Variants in ABHD2 observed in about 807,000 individuals in gnomAD.
ABHD2 encodes abhydrolase domain containing 2, acylglycerol lipase, also known as monoacylglycerol lipase ABHD2.
Under a neutral mutation model 48.1 loss-of-function variants are expected in ABHD2, and 20 were observed. That is an observed-to-expected ratio of 0.42 (90% CI 0.29 to 0.60). The LOEUF is 0.60. ABHD2 is among the 20% of genes least tolerant of loss of function. ABHD2 has a pLI of 0.24. For missense variants in ABHD2, 405 were observed against 550.9 expected, an observed-to-expected ratio of 0.74 and a Z score of 2.65; for synonymous variants, 209 against 214.2, an observed-to-expected ratio of 0.98 and a Z score of 0.21.
intron 1 of ABHD2, among the ~76,000 whole-genome samples, chr15:89,090,626 T>C (rs765924775): frequency 6.6e-6 from 1 of 152,158 alleles, no homozygotes; most frequent in Non-Finnish European, 1.5e-5. Flanking sequence ...AGTTCCCCCT[T>C]GCAGTTACAT....
chr15:89,074,623 C>T, the ABHD2 span, among the ~76,000 whole-genome samples: 1 of 152,140 alleles, frequency 6.6e-6, no homozygotes, highest in Non-Finnish European at 1.5e-5. Flanking sequence ...GGCAGGCACC[C>T]GAAGTGGCTG....
At chr15:89,181,581 C>G (rs1345539185) in intron 6 of ABHD2, among the ~76,000 whole-genome samples, 1 of 152,110 alleles carries the variant, frequency 6.6e-6, no homozygotes, top group Non-Finnish European at 1.5e-5. Flanking sequence ...CATTCTCATT[C>G]TCCATATTTT....
chr15:89,195,255 G>A lies in ABHD2; in HGVS notation c.1110G>A (p.Leu370=). The change falls in exon 11 of 11, where the codon CTG becomes CTA. Residue 370 remains leucine, a synonymous_variant. Transcript: ENST00000352732. This position sits in a 1 kb window ranked among gnomAD's most constrained non-coding sequence, Gnocchi z 5.1. ...SEKRENVMFV[L]PLHGGHLGFF... ...AACGAGAGAACGTCATGTTTGTGCTGCCTCTGCATGGGGGCCACTTGGGCT... is the reference window on the plus strand; with the variant it reads ...AACGAGAGAACGTCATGTTTGTGCTACCTCTGCATGGGGGCCACTTGGGCT... 6.2e-7 allele frequency: 1 copy of A among 1,614,118 alleles called. No homozygotes were observed. The highest frequency in any genetic ancestry group is 1.3e-5 in the African/African-American group (1 of 75,058).
At chr15:89,123,257 C>T (rs1003510664) in intron 3 of ABHD2, among the ~76,000 whole-genome samples, 1 of 152,208 alleles carries the variant, frequency 6.6e-6, no homozygotes, top group Non-Finnish European at 1.5e-5. Context: ...TGTGGCCCTT[C>T]CATAGACCAT....
At chr15:89,079,600 C>T in the ABHD2 span, among the ~76,000 whole-genome samples, 2 of 152,216 alleles carry the variant, frequency 1.3e-5, no homozygotes, top group East Asian at 1.9e-4. This position sits in a 1 kb window ranked among gnomAD's most constrained non-coding sequence, Gnocchi z 4.3. Flanking sequence ...AACCCTCTCC[C>T]CAGTGAAATG....
rs950851216 is a variant in ABHD2 at position 89,104,751 on chromosome 15, C to T, written c.-106-8974C>T. Among the ~76,000 whole-genome samples the T allele has an allele frequency of 6.6e-6, 1 of 152,212 alleles. No homozygotes were observed. Among genetic ancestry groups the T allele is most frequent in the Non-Finnish European group, 1.5e-5 (1 of 68,032 alleles). On this transcript the variant is annotated intron_variant, in intron 1 of 10. Coordinates refer to ENST00000352732, the MANE Select transcript of ABHD2 (RefSeq NM_152924.5). The surrounding 1 kb of genome is among the most constrained non-coding windows in gnomAD (Gnocchi z 4.4). ...GCACTGGGTCTTGCCCTCCCACCCC[C>T]ATCTCCATTTCCTCCTTCTGGAAGC... is the stretch of plus-strand genomic sequence containing the variant.
chr15:89,178,506 A>T (rs2051054015), intron 6 of ABHD2, among the ~76,000 whole-genome samples: 1 of 151,744 alleles, frequency 6.6e-6, no homozygotes, highest in Non-Finnish European at 1.5e-5. Context: ...GAGTCTGGAG[A>T]CCCGCTTCCT....
At chr15:89,181,140 C>T (rs61440962) in intron 6 of ABHD2, among the ~76,000 whole-genome samples, 6 of 139,028 alleles carry the variant, frequency 4.3e-5, no homozygotes, top group African/African-American at 1.6e-4. Flanking sequence ...GCAGGAAAAT[C>T]TCTTGAACCC....
Position 89,106,652 on chromosome 15 carries a change from A to T in ABHD2, c.-106-7073A>T, listed in dbSNP as rs72630480. On this transcript the variant is annotated intron_variant, in intron 1 of 10. Coordinates refer to ENST00000352732, the MANE Select transcript of ABHD2 (RefSeq NM_152924.5). The surrounding 1 kb of genome is among the most constrained non-coding windows in gnomAD (Gnocchi z 4.2). ...CCTGCAGAATGGTTTTTTTCCCCCTATGATGGCTCTGACTAATTTAGTTAA... is the reference window on the plus strand; with the variant it reads ...CCTGCAGAATGGTTTTTTTCCCCCTTTGATGGCTCTGACTAATTTAGTTAA... Among the ~76,000 whole-genome samples the T allele has an allele frequency of 0.11, 17,110 of 152,154 alleles. 1,302 individuals carry two copies. Among genetic ancestry groups the T allele is most frequent in the South Asian group, 0.3 (1,467 of 4,824 alleles).
intron 1 of ABHD2, among the ~76,000 whole-genome samples, chr15:89,108,044 T>C (rs537062288): frequency 1.1e-4 from 17 of 152,340 alleles, no homozygotes; most frequent in African/African-American, 3.8e-4. Context: ...TGGGTGTTCA[T>C]GTCAGTTAGC....
At chr15:89,064,219 C>CT in the ABHD2 span, among the ~76,000 whole-genome samples, 38,163 of 119,312 alleles carry the variant, frequency 0.32, 6,685 homozygotes, top group African/African-American at 0.36. Flanking sequence ...ACATTGTGTC[C>CT]TTTTTTTTTT....
At chr15:89,058,486 G>A in the ABHD2 span, among the ~76,000 whole-genome samples, 10 of 152,138 alleles carry the variant, frequency 6.6e-5, no homozygotes, top group Admixed American at 1.3e-4. Context: ...CCTGGTACAC[G>A]GAGCCTAGTC....
At chr15:89,078,659 T>C in the ABHD2 span, among the ~76,000 whole-genome samples, 5 of 152,044 alleles carry the variant, frequency 3.3e-5, no homozygotes, top group African/African-American at 1.2e-4. Context: ...TCTTTCAGAA[T>C]ACATATCCTC....
In ABHD2 at chr15:89,179,595, A is replaced by T. The variant is rs1206578336; in HGVS notation, c.722+3600A>T. ...TTATGGTGAGTTGTAGAATTATTTC[A>T]TTCTGTATGATAATGTAATAATAAT... On this transcript the variant is annotated intron_variant, in intron 6 of 10. Coordinates refer to ENST00000352732, the MANE Select transcript of ABHD2 (RefSeq NM_152924.5). This position sits in a 1 kb window ranked among gnomAD's most constrained non-coding sequence, Gnocchi z 4.3. Among the ~76,000 whole-genome samples the T allele has an allele frequency of 6.6e-6, 1 of 152,156 alleles. No homozygotes were observed. The highest frequency in any genetic ancestry group is 1.5e-5 in the Non-Finnish European group (1 of 68,018).
At chr15:89,042,529 C>A in the ABHD2 span, among the ~76,000 whole-genome samples, 336 of 152,072 alleles carry the variant, frequency 2.2e-3, 3 homozygotes, top group African/African-American at 7.9e-3. Context: ...TGGTTACTTC[C>A]CACCTGGAAA....
the ABHD2 span, among the ~76,000 whole-genome samples, chr15:89,054,846 C>T: frequency 6.8e-6 from 1 of 147,840 alleles, no homozygotes; most frequent in African/African-American, 2.5e-5. Flanking sequence ...TTTCTTTAAA[C>T]AGCTCTAAAA....
chr15:89,152,699 A>G (rs918201351), intron 4 of ABHD2, among the ~76,000 whole-genome samples: 3 of 152,160 alleles, frequency 2.0e-5, no homozygotes, highest in Admixed American at 6.5e-5. Context: ...AAATAGACAC[A>G]TTGAGGTCAT....
the ABHD2 span, among the ~76,000 whole-genome samples, chr15:89,057,550 G>T: frequency 6.6e-6 from 1 of 152,158 alleles, no homozygotes; most frequent in South Asian, 2.1e-4. Context: ...TTTGGTAAGA[G>T]GGTAAGAATA....
the ABHD2 span, among the ~76,000 whole-genome samples, chr15:89,056,122 G>A: frequency 6.6e-6 from 1 of 152,060 alleles, no homozygotes; most frequent in South Asian, 2.1e-4. Context: ...CAAAGTGCTG[G>A]GATTACAGAT....
Sources: allele counts gnomAD v4.1 joint callset (sites outside exome capture counted in the v4.1 genomes callset), GRCh38; gene constraint gnomAD v4.1.1; non-coding constraint Gnocchi (gnomAD v3.1); transcripts MANE v1.5; gene names NCBI Gene and HGNC (gene_info 2026-07-23, HGNC 2026-07-21).